The following DNAH3 variants were observed in gnomAD, a reference collection of about 807,000 sequenced individuals.
DNAH3 encodes the protein dynein axonemal heavy chain 3, also known as axonemal beta dynein heavy chain 3.
In DNAH3, 332 loss-of-function variants were observed where a neutral mutation model predicts 432.5. That is an observed-to-expected ratio of 0.77 (90% CI 0.70 to 0.84). The LOEUF (loss-of-function observed/expected upper bound fraction) is 0.84, where lower values mean the gene tolerates loss of function less well. Among genes scored for constraint, DNAH3 ranks in the 40% least tolerant of loss-of-function variants. The pLI is 0.00. For missense variants in DNAH3, 4,861 were observed against 5,114.0 expected (o/e 0.95, Z 1.51); for synonymous variants, 1,956 against 1,900.2 (o/e 1.03, Z -0.76).
At chr16:21,099,357 C>A (rs1350016032) in intron 16 of DNAH3, among the ~76,000 whole-genome samples, 2 of 152,084 alleles carry the variant, frequency 1.3e-5, no homozygotes, top group Admixed American at 1.3e-4. Context: ...TAAAATATTT[C>A]TGTTAGTAAT....
chr16:21,082,951 T>C (rs2091243982), intron 19 of DNAH3, among the ~76,000 whole-genome samples: 2 of 125,620 alleles, frequency 1.6e-5, no homozygotes, highest in African/African-American at 2.6e-5. Context: ...TCCATCTTGC[T>C]TTTTTTTTAA....
intron 19 of DNAH3, among the ~76,000 whole-genome samples, chr16:21,084,338 A>AT (rs1290830173): frequency 1.3e-5 from 2 of 151,756 alleles, no homozygotes; most frequent in Non-Finnish European, 2.9e-5. Flanking sequence ...TTATTTATTT[A>AT]TTGAGACAGG....
At chr16:20,979,907 G>A (rs375008727) in intron 49 of DNAH3, among the ~76,000 whole-genome samples, 43 of 151,986 alleles carry the variant, frequency 2.8e-4, no homozygotes, top group African/African-American at 9.2e-4. Flanking sequence ...GTGCCACCAC[G>A]CCCAGCTAAT....
intron 60 of DNAH3, among the ~76,000 whole-genome samples, chr16:20,935,973 G>T (rs1046502906): frequency 1.3e-5 from 2 of 152,046 alleles, no homozygotes; most frequent in Non-Finnish European, 2.9e-5. Flanking sequence ...AGCAATAGTC[G>T]CCATGCCATG....
intron 41 of DNAH3, among the ~76,000 whole-genome samples, chr16:21,009,744 G>A (rs1174547032): frequency 1.3e-5 from 2 of 152,116 alleles, no homozygotes; most frequent in South Asian, 2.1e-4. Flanking sequence ...CAGGCATGGT[G>A]GCATGTGCCT....
intron 51 of DNAH3, among the ~76,000 whole-genome samples, chr16:20,972,289 AGTGGT>A (rs1023584164): frequency 1.3e-5 from 2 of 150,464 alleles, no homozygotes; most frequent in Non-Finnish European, 2.9e-5. Context: ...GCTAGAGTGC[AGTGGT>A]GGGATCATAG....
chr16:20,949,638 G>T (rs2084222424), intron 56 of DNAH3, among the ~76,000 whole-genome samples: 1 of 152,178 alleles, frequency 6.6e-6, no homozygotes, highest in African/African-American at 2.4e-5. Flanking sequence ...TGAGATGGTG[G>T]CAGTAACAGT....
chr16:21,007,606 T>C (rs1448112731), intron 41 of DNAH3, among the ~76,000 whole-genome samples: 1 of 152,206 alleles, frequency 6.6e-6, no homozygotes, highest in Non-Finnish European at 1.5e-5. Context: ...TATTCTAAAT[T>C]TGAGTCCCTT....
exon 40 of DNAH3, chr16:21,022,031 C>A (rs2088258222): frequency 6.2e-7 from 1 of 1,613,916 alleles, no homozygotes; most frequent in Non-Finnish European, 8.5e-7. Flanking sequence ...GATGTCTGGA[C>A]AACAAATTTA....
At chr16:21,042,671 TTTTC>T (rs2089499745) in intron 31 of DNAH3, among the ~76,000 whole-genome samples, 1 of 152,278 alleles carries the variant, frequency 6.6e-6, no homozygotes, top group African/African-American at 2.4e-5. Context: ...GCAAGATCTT[TTTTC>T]TTTTTTTTAA....
intron 10 of DNAH3, among the ~76,000 whole-genome samples, chr16:21,121,598 C>CT (rs2092342278): frequency 4.6e-5 from 6 of 131,742 alleles, no homozygotes; most frequent in South Asian, 2.5e-4. Flanking sequence ...TTTTTTTTTT[C>CT]TTTTTTCTTT....
chr16:21,008,526 A>G (rs1309883193), intron 41 of DNAH3, among the ~76,000 whole-genome samples: 3 of 152,102 alleles, frequency 2.0e-5, no homozygotes, highest in African/African-American at 7.2e-5. Flanking sequence ...CGAAGGATTC[A>G]CCTCATGTCC....
chr16:20,936,741 C>G, exon 60 of DNAH3: 1 of 1,611,522 alleles, frequency 6.2e-7, no homozygotes, highest in Non-Finnish European at 8.5e-7. Context: ...ATGGCTGGCA[C>G]TTTACCCACA....
chr16:21,145,970 C>A lies in DNAH3; in HGVS notation c.222+14G>T. The A allele has an allele frequency of 6.5e-7, 1 of 1,544,330 alleles. No homozygotes were observed. The highest frequency in any genetic ancestry group is 1.1e-5 in the South Asian group (1 of 89,642). ...TCACCCTCAACAGAAGAGCTGGCAG[C>A]CAGGTGTGCATACCTGATAGAGTCC... On this transcript the variant is annotated intron_variant, in intron 2 of 61. Coordinates refer to ENST00000261383, the Ensembl canonical transcript of DNAH3.
At chr16:21,035,366 T>C (rs2089118103) in intron 35 of DNAH3, among the ~76,000 whole-genome samples, 1 of 152,124 alleles carries the variant, frequency 6.6e-6, no homozygotes, top group East Asian at 1.9e-4. Flanking sequence ...AAAGATTCAA[T>C]AGCCTCTCAC....
chr16:21,079,744 G>T (rs1405952170), intron 20 of DNAH3, among the ~76,000 whole-genome samples: 3 of 152,226 alleles, frequency 2.0e-5, no homozygotes, highest in African/African-American at 7.2e-5. Flanking sequence ...CTTACTGGGG[G>T]AAAGTGAGGC....
At chr16:20,970,837 T>C (rs568926315) in intron 51 of DNAH3, among the ~76,000 whole-genome samples, 1 of 151,722 alleles carries the variant, frequency 6.6e-6, no homozygotes, top group East Asian at 1.9e-4. Flanking sequence ...GTCTTCCCAG[T>C]ATGGATTTCT....
chr16:21,054,372 T>C (rs1236416677), intron 28 of DNAH3, 48 bp downstream of exon 28: 1 of 1,389,824 alleles, frequency 7.2e-7, no homozygotes. Flanking sequence ...AAGACTAGAC[T>C]GCTTCTCCTG....
At chr16:20,978,304 A>G (rs529168384) in intron 50 of DNAH3, among the ~76,000 whole-genome samples, 1 of 152,244 alleles carries the variant, frequency 6.6e-6, no homozygotes, top group African/African-American at 2.4e-5. Flanking sequence ...CGAGGTGAGC[A>G]GATCACCTGA....
Sources: gnomAD v4.1 joint callset for allele counts (sites outside exome capture counted in the v4.1 genomes callset) on GRCh38, gnomAD v4.1.1 for gene constraint, MANE v1.5 for transcripts, NCBI Gene and HGNC (gene_info 2026-07-23, HGNC 2026-07-21) for gene names.